TMEM178B: variants seen among roughly 807,000 people sequenced by gnomAD.
TMEM178B encodes the protein transmembrane protein 178B.
Under a neutral mutation model 31.0 loss-of-function variants are expected in TMEM178B, and 5 were observed. That is an observed-to-expected ratio of 0.16 (90% CI 0.08 to 0.34). The LOEUF (loss-of-function observed/expected upper bound fraction) is 0.34. Ranked by LOEUF, TMEM178B falls within the 10% of genes least tolerant of loss-of-function variation. The pLI is 1.00. For synonymous variants in TMEM178B, 164 were observed against 164.0 expected, an observed-to-expected ratio of 1.00 and a Z score of 0.00; for missense variants, 275 against 400.3, an observed-to-expected ratio of 0.69 and a Z score of 2.67.
intron 2 of TMEM178B, among the ~76,000 whole-genome samples, chr7:141,420,153 C>T (rs529485202): frequency 6.6e-6 from 1 of 151,922 alleles, no homozygotes; most frequent in Admixed American, 6.6e-5. Flanking sequence ...CAGCTCATCC[C>T]CCAACCTACT....
At chr7:141,233,093 A>G (rs1279145467) in intron 2 of TMEM178B, among the ~76,000 whole-genome samples, 2 of 152,130 alleles carry the variant, frequency 1.3e-5, no homozygotes, top group Non-Finnish European at 2.9e-5. Flanking sequence ...CTGCGATTGA[A>G]ACCTCAATCT....
chr7:141,226,229 G>T (rs1346619703), intron 2 of TMEM178B, among the ~76,000 whole-genome samples: 1 of 152,078 alleles, frequency 6.6e-6, no homozygotes, highest in Non-Finnish European at 1.5e-5. Flanking sequence ...TTGGGGGGAG[G>T]GTGTGAAGAA....
chr7:141,239,915 A>G (rs535945063), intron 2 of TMEM178B, among the ~76,000 whole-genome samples: 1 of 152,258 alleles, frequency 6.6e-6, no homozygotes, highest in Non-Finnish European at 1.5e-5. Context: ...GAAACAGAAC[A>G]TAAGCCACAG....
intron 1 of TMEM178B, among the ~76,000 whole-genome samples, chr7:141,081,213 T>C (rs771079436): frequency 3.9e-5 from 6 of 152,084 alleles, no homozygotes; most frequent in Non-Finnish European, 8.8e-5. Flanking sequence ...GACAGCGAGA[T>C]TGATGATCCC....
chr7:141,444,996 C>G (rs1415055457), intron 3 of TMEM178B, among the ~76,000 whole-genome samples: 1 of 152,116 alleles, frequency 6.6e-6, no homozygotes, highest in African/African-American at 2.4e-5. Flanking sequence ...AGACCGCGGC[C>G]AGAACCAAGG....
At chr7:141,498,858 C>T in the TMEM178B span, among the ~76,000 whole-genome samples, 8 of 152,220 alleles carry the variant, frequency 5.3e-5, no homozygotes, top group South Asian at 1.7e-3. Flanking sequence ...GTCTCAAAGT[C>T]ACAGTTATTA....
intron 1 of TMEM178B, among the ~76,000 whole-genome samples, chr7:141,199,998 C>T (rs1796850280): frequency 6.6e-6 from 1 of 151,894 alleles, no homozygotes; most frequent in Non-Finnish European, 1.5e-5. Context: ...TTGCAGTGAG[C>T]TGAGATAGTG....
At chr7:141,314,416 G>T (rs1461878624) in intron 2 of TMEM178B, among the ~76,000 whole-genome samples, 1 of 152,232 alleles carries the variant, frequency 6.6e-6, no homozygotes, top group Non-Finnish European at 1.5e-5. Flanking sequence ...GAAACTCTTG[G>T]CTGGCTATGC....
At chr7:141,211,251 G>A (rs1797047962) in intron 1 of TMEM178B, among the ~76,000 whole-genome samples, 2 of 152,190 alleles carry the variant, frequency 1.3e-5, no homozygotes, top group South Asian at 4.1e-4. Context: ...GAAGATGCAG[G>A]AAGAGTGCAT....
intron 1 of TMEM178B, among the ~76,000 whole-genome samples, chr7:141,138,445 G>T (rs1206706146): frequency 6.6e-6 from 1 of 152,066 alleles, no homozygotes; most frequent in African/African-American, 2.4e-5. Flanking sequence ...CCTTTGTAAG[G>T]TCTGGAGAAG....
At chr7:141,103,753 A>G (rs548831186) in intron 1 of TMEM178B, among the ~76,000 whole-genome samples, 5 of 152,354 alleles carry the variant, frequency 3.3e-5, no homozygotes, top group African/African-American at 1.2e-4. Context: ...AATTTGTACC[A>G]TATAATATGT....
chr7:141,135,544 C>T (rs769447858), intron 1 of TMEM178B, among the ~76,000 whole-genome samples: 4 of 152,014 alleles, frequency 2.6e-5, no homozygotes, highest in African/African-American at 7.2e-5. Context: ...CTCAGATCAC[C>T]GTGGAATAAA....
intron 2 of TMEM178B, among the ~76,000 whole-genome samples, chr7:141,322,576 A>G (rs6952204): frequency 0.011 from 1,673 of 152,246 alleles, 28 homozygotes; most frequent in African/African-American, 0.038. Flanking sequence ...CAAAGAATAC[A>G]GAGTCATAGG....
chr7:141,150,078 C>A lies in TMEM178B; in HGVS notation c.383-62513C>A, dbSNP rs191489456. ...TCGAGTGGCTGAGGAGTCTCTTTAGCGGGGTTGGAAAGACTATGGATGGAG... is the reference window on the plus strand; with the variant it reads ...TCGAGTGGCTGAGGAGTCTCTTTAGAGGGGTTGGAAAGACTATGGATGGAG... On this transcript the variant is annotated intron_variant, in intron 1 of 3. Coordinates refer to ENST00000565468, the MANE Select transcript of TMEM178B (RefSeq NM_001195278.2). 2.0e-5 allele frequency among the ~76,000 whole-genome samples: 3 copies of A among 151,870 alleles called. No individual in the cohort carries two copies. In the South Asian group the frequency reaches 6.3e-4, roughly 32 times the overall value.
chr7:141,144,581 G>A (rs890328989), intron 1 of TMEM178B, among the ~76,000 whole-genome samples: 14 of 152,168 alleles, frequency 9.2e-5, no homozygotes, highest in Admixed American at 6.5e-5. Context: ...AGACACAAAC[G>A]ATGCTGGGAG....
At chr7:141,365,933 C>T (rs1799996455) in intron 2 of TMEM178B, among the ~76,000 whole-genome samples, 1 of 152,222 alleles carries the variant, frequency 6.6e-6, no homozygotes, top group Admixed American at 6.5e-5. Context: ...ATTCACCCTG[C>T]AACAGTGATC....
chr7:141,250,855 T>A (rs1386090335), intron 2 of TMEM178B, among the ~76,000 whole-genome samples: 4 of 152,200 alleles, frequency 2.6e-5, no homozygotes, highest in African/African-American at 4.8e-5. Flanking sequence ...CAAATGGGTC[T>A]AATCACACTA....
rs150821436 is a variant in TMEM178B at position 141,202,245 on chromosome 7, C to G, written c.383-10346C>G. ...CCACAAAGGTGAAAAACACAAGCTC[C>G]TCTATCTCAGAGCTTTTACCATAGA... On this transcript the variant is annotated intron_variant, in intron 1 of 3. Coordinates refer to ENST00000565468, the MANE Select transcript of TMEM178B (RefSeq NM_001195278.2). Among the ~76,000 whole-genome samples, 1,137 of 152,254 alleles carry G rather than the reference C, an allele frequency of 7.5e-3. 21 individuals are homozygous for G. Among genetic ancestry groups the G allele is most frequent in the African/African-American group, 0.026 (1,074 of 41,526 alleles).
intron 1 of TMEM178B, among the ~76,000 whole-genome samples, chr7:141,079,820 A>G (rs538010908): frequency 1.3e-5 from 2 of 152,256 alleles, no homozygotes; most frequent in East Asian, 3.9e-4. Flanking sequence ...TAGGAAGTAT[A>G]AGTATTATTT....
Sources: gnomAD v4.1 joint callset for allele counts (sites outside exome capture counted in the v4.1 genomes callset) on GRCh38, gnomAD v4.1.1 for gene constraint, MANE v1.5 for transcripts, NCBI Gene and HGNC (gene_info 2026-07-23, HGNC 2026-07-21) for gene names.